The following EXOC4 variants were observed in gnomAD, a reference collection of about 807,000 sequenced individuals.
EXOC4 encodes the protein SEC8-like 1.
A neutral mutation model predicts 107.2 loss-of-function variants in EXOC4; 71 were observed. The ratio of observed to expected loss-of-function variants is 0.66; its 90% confidence interval spans 0.55 to 0.81. The LOEUF is 0.81. Among genes scored for constraint, EXOC4 ranks in the 30% least tolerant of loss-of-function variants. The pLI, the probability that EXOC4 is intolerant of heterozygous loss-of-function variation, is 0.00. For missense variants in EXOC4, 1,108 were observed against 1,189.6 expected (o/e 0.93, Z 1.01); for synonymous variants, 456 against 441.2 (o/e 1.03, Z -0.42).
At chr7:133,741,513 A>G (rs763541022) in intron 10 of EXOC4, among the ~76,000 whole-genome samples, 4 of 152,158 alleles carry the variant, frequency 2.6e-5, no homozygotes, top group Non-Finnish European at 5.9e-5. Flanking sequence ...TCTCTCCACT[A>G]GGCAAAGACC....
At chr7:133,951,041 G>A (rs1016047949) in intron 14 of EXOC4, among the ~76,000 whole-genome samples, 5 of 152,198 alleles carry the variant, frequency 3.3e-5, no homozygotes, top group South Asian at 2.1e-4. Flanking sequence ...TCCAGGAAGC[G>A]GAGCATGGGT....
chr7:133,367,411 G>A (rs2150676641), intron 6 of EXOC4, among the ~76,000 whole-genome samples: 1 of 152,264 alleles, frequency 6.6e-6, no homozygotes, highest in South Asian at 2.1e-4. Flanking sequence ...AAGTGCCGCG[G>A]CTATTTGATT....
chr7:133,804,693 T>C (rs1203000654), intron 10 of EXOC4, among the ~76,000 whole-genome samples: 1 of 152,232 alleles, frequency 6.6e-6, no homozygotes, highest in Non-Finnish European at 1.5e-5. Flanking sequence ...ACTTCTGTTA[T>C]TCATACCTGA....
intron 10 of EXOC4, among the ~76,000 whole-genome samples, chr7:133,755,494 C>G (rs1266068363): frequency 6.7e-6 from 1 of 149,370 alleles, no homozygotes; most frequent in Non-Finnish European, 1.5e-5. Context: ...CAGGTGCACG[C>G]CAGCACGCTC....
intron 10 of EXOC4, among the ~76,000 whole-genome samples, chr7:133,637,853 C>T (rs1802750471): frequency 6.6e-6 from 1 of 152,118 alleles, no homozygotes; most frequent in Admixed American, 6.6e-5. Flanking sequence ...AAATGTATGA[C>T]ATATGGCTAA....
At chr7:133,336,410 C>A (rs1795513680) in intron 5 of EXOC4, among the ~76,000 whole-genome samples, 1 of 152,086 alleles carries the variant, frequency 6.6e-6, no homozygotes, top group African/African-American at 2.4e-5. Flanking sequence ...TTACATCTTG[C>A]CAAATTCTCC....
chr7:133,365,619 G>T (rs925368741), intron 6 of EXOC4, among the ~76,000 whole-genome samples: 3 of 152,146 alleles, frequency 2.0e-5, no homozygotes, highest in Non-Finnish European at 2.9e-5. Flanking sequence ...AGCAGATGGA[G>T]AATTAGTCAG....
intron 7 of EXOC4, among the ~76,000 whole-genome samples, chr7:133,415,574 A>T (rs1053176945): frequency 3.3e-5 from 5 of 152,184 alleles, no homozygotes; most frequent in Non-Finnish European, 7.4e-5. Flanking sequence ...TAAAGCATGT[A>T]AAACATTGGC....
intron 7 of EXOC4, among the ~76,000 whole-genome samples, chr7:133,429,574 C>T (rs1244181769): frequency 6.6e-6 from 1 of 152,164 alleles, no homozygotes; most frequent in African/African-American, 2.4e-5. Flanking sequence ...GAAAACTGGC[C>T]TTTAGCAATC....
chr7:134,014,575 A>T (rs1794855752), intron 17 of EXOC4, among the ~76,000 whole-genome samples: 1 of 152,186 alleles, frequency 6.6e-6, no homozygotes, highest in African/African-American at 2.4e-5. Context: ...GACACTATTC[A>T]TATGAAATGT....
At chr7:134,010,198 A>C (rs868745808) in intron 17 of EXOC4, 1 of 152,196 alleles carries the variant, frequency 6.6e-6, no homozygotes, top group Non-Finnish European at 1.5e-5. Context: ...CAGTGCCTCT[A>C]CCAAAGTAAG....
chr7:133,678,868 C>T (rs1054502807), intron 10 of EXOC4, among the ~76,000 whole-genome samples: 5 of 152,144 alleles, frequency 3.3e-5, no homozygotes, highest in African/African-American at 7.2e-5. Context: ...ATTCTCCCCG[C>T]CTTGACCTCC....
At chr7:133,994,147 A>G (rs764094531) in intron 14 of EXOC4, among the ~76,000 whole-genome samples, 3 of 152,128 alleles carry the variant, frequency 2.0e-5, no homozygotes, top group Non-Finnish European at 2.9e-5. Context: ...ATGCTTTATG[A>G]TGTTCCCCTC....
intron 9 of EXOC4, among the ~76,000 whole-genome samples, chr7:133,486,654 A>G (rs760395492): frequency 6.6e-6 from 1 of 152,182 alleles, no homozygotes; most frequent in East Asian, 1.9e-4. Flanking sequence ...TGAAAATTGC[A>G]TATAATTATT....
intron 14 of EXOC4, among the ~76,000 whole-genome samples, chr7:133,960,434 A>G (rs1800916035): frequency 6.6e-6 from 1 of 152,176 alleles, no homozygotes; most frequent in Non-Finnish European, 1.5e-5. Context: ...ATTAGTACCA[A>G]TTCTTTGAAT....
rs150342935 is a variant in EXOC4 at position 133,767,792 on chromosome 7, T to A, written c.1515-49533T>A. Among the ~76,000 whole-genome samples the A allele has an allele frequency of 3.7e-3, 569 of 152,066 alleles. 3 individuals carry two copies. The highest frequency in any genetic ancestry group is 6.1e-3 in the Non-Finnish European group (412 of 67,920). ...TACTGAACCATTATTTTGAATTCACTCACATTAATGAGTGCCCACTACATG... is the reference window on the plus strand; with the variant it reads ...TACTGAACCATTATTTTGAATTCACACACATTAATGAGTGCCCACTACATG... On this transcript the variant is annotated intron_variant, in intron 10 of 17. Transcript: ENST00000253861.
chr7:133,721,236 A>G (rs539532552), intron 10 of EXOC4, among the ~76,000 whole-genome samples: 4 of 152,294 alleles, frequency 2.6e-5, no homozygotes, highest in African/African-American at 9.6e-5. Flanking sequence ...TTACCTTGCA[A>G]TTTACTATTT....
chr7:133,705,596 G>A lies in EXOC4; in HGVS notation c.1514+75455G>A, dbSNP rs534934309. 2.0e-5 allele frequency among the ~76,000 whole-genome samples: 3 copies of A among 152,168 alleles called. No homozygotes were observed. In the East Asian group the frequency reaches 5.8e-4, roughly 29 times the overall value. On this transcript the variant is annotated intron_variant, in intron 10 of 17. Transcript: ENST00000253861. ...AGAAAGCATTTTATGGCTTATTTTT[G>A]GTATATCCAAATTGCCAGCATCACT...
chr7:133,965,911 T>C (rs1801055213), intron 14 of EXOC4, among the ~76,000 whole-genome samples: 2 of 152,338 alleles, frequency 1.3e-5, no homozygotes, highest in South Asian at 2.1e-4. Context: ...TGAATTACTT[T>C]GGGCAGTATG....
Sources: gnomAD v4.1 joint callset for allele counts (sites outside exome capture counted in the v4.1 genomes callset) on GRCh38, gnomAD v4.1.1 for gene constraint, MANE v1.5 for transcripts, NCBI Gene and HGNC (gene_info 2026-07-23, HGNC 2026-07-21) for gene names.